Variants in CYB5R4 observed in about 807,000 individuals in gnomAD.
The protein encoded by CYB5R4 is N-terminal cytochrome b5 and cytochrome b5 oxidoreductase domain-containing protein.
A neutral mutation model predicts 70.2 loss-of-function variants in CYB5R4; 55 were observed. That is an observed-to-expected ratio of 0.78 (90% CI 0.63 to 0.98). The LOEUF (loss-of-function observed/expected upper bound fraction) is 0.98. CYB5R4 is among the 50% of genes least tolerant of loss of function. The pLI, the probability that CYB5R4 is intolerant of heterozygous loss-of-function variation, is 0.00. For synonymous variants in CYB5R4, 197 were observed against 199.5 expected, an observed-to-expected ratio of 0.99 and a Z score of 0.11; for missense variants, 562 against 612.6, an observed-to-expected ratio of 0.92 and a Z score of 0.87.
chr6:83,933,982 T>C (rs1275071676), intron 10 of CYB5R4, among the ~76,000 whole-genome samples: 1 of 152,186 alleles, frequency 6.6e-6, no homozygotes, highest in Non-Finnish European at 1.5e-5. Context: ...CACACAAACA[T>C]AGAGACACAA....
chr6:83,942,957 C>T (rs2099469995), intron 14 of CYB5R4, among the ~76,000 whole-genome samples: 1 of 152,156 alleles, frequency 6.6e-6, no homozygotes, highest in Non-Finnish European at 1.5e-5. Flanking sequence ...AGGCAGCAGC[C>T]CCAATCAGAG....
At chr6:83,942,975 G>C (rs1229016951) in intron 14 of CYB5R4, among the ~76,000 whole-genome samples, 1 of 152,158 alleles carries the variant, frequency 6.6e-6, no homozygotes, top group Non-Finnish European at 1.5e-5. Flanking sequence ...GAGGCTTATA[G>C]ATAAAATTCC....
intron 3 of CYB5R4, among the ~76,000 whole-genome samples, chr6:83,907,610 T>C (rs1022967715): frequency 1.3e-4 from 20 of 152,130 alleles, no homozygotes; most frequent in African/African-American, 4.8e-4. Flanking sequence ...CCAATAGTTA[T>C]TTTTTCTGCT....
At chr6:83,883,857 T>G (rs1320478512) in intron 2 of CYB5R4, among the ~76,000 whole-genome samples, 1 of 152,102 alleles carries the variant, frequency 6.6e-6, no homozygotes, top group African/African-American at 2.4e-5. Flanking sequence ...ATGGTTCTTA[T>G]ATTACGTGGG....
In CYB5R4 at chr6:83,967,370, G is replaced by A. The variant is rs1304391072; in HGVS notation, c.*7492G>A. On this transcript the variant is annotated 3_prime_UTR_variant, in exon 16 of 16. Transcript: ENST00000369681. ...TTTTGGCAGTGGTTGTATTAGTATT[G>A]TTATTCTGAAGATGTGAAATAATGC... 6.6e-6 allele frequency: 1 copy of A among 152,196 alleles called. No individual in the cohort carries two copies. 9.4% of individuals were successfully genotyped at this position (152,196 alleles called of 1,614,324 possible).
At chr6:83,895,163 GCTGT>G (rs984544720) in intron 3 of CYB5R4, among the ~76,000 whole-genome samples, 79 of 152,166 alleles carry the variant, frequency 5.2e-4, no homozygotes, top group African/African-American at 1.6e-3. Context: ...CTGCCTGCCT[GCTGT>G]CTGTCTGTGT....
At chr6:83,862,224 TCA>T (rs2099456070) in intron 1 of CYB5R4, among the ~76,000 whole-genome samples, 1 of 152,220 alleles carries the variant, frequency 6.6e-6, no homozygotes, top group African/African-American at 2.4e-5. Context: ...TATTCAGATC[TCA>T]CAGACTTGAG....
At chr6:83,891,529 C>T (rs2099461123) in intron 2 of CYB5R4, among the ~76,000 whole-genome samples, 1 of 152,174 alleles carries the variant, frequency 6.6e-6, no homozygotes, top group South Asian at 2.1e-4. Context: ...AGAAGAAATG[C>T]ACCTGTTCTG....
intron 4 of CYB5R4, among the ~76,000 whole-genome samples, chr6:83,909,785 C>G (rs540767022): frequency 2.0e-5 from 3 of 152,186 alleles, no homozygotes; most frequent in Admixed American, 6.5e-5. Context: ...TTTTGCTCTT[C>G]AGGGGGACAT....
At chr6:83,885,512 G>C (rs1009231944) in intron 2 of CYB5R4, among the ~76,000 whole-genome samples, 7 of 152,158 alleles carry the variant, frequency 4.6e-5, no homozygotes, top group Non-Finnish European at 8.8e-5. Flanking sequence ...AGCCGTTATG[G>C]TTCACATGTA....
intron 10 of CYB5R4, among the ~76,000 whole-genome samples, chr6:83,928,594 TAG>T: frequency 6.6e-6 from 1 of 152,256 alleles, no homozygotes; most frequent in East Asian, 1.9e-4. Flanking sequence ...TTGCTGGGTG[TAG>T]AGAGAGAAAA....
intron 3 of CYB5R4, among the ~76,000 whole-genome samples, chr6:83,894,688 G>A (rs1296041525): frequency 6.6e-6 from 1 of 152,086 alleles, no homozygotes; most frequent in Non-Finnish European, 1.5e-5. Flanking sequence ...ACATATATAT[G>A]TATGTTATAT....
intron 3 of CYB5R4, among the ~76,000 whole-genome samples, chr6:83,900,645 G>A (rs1233873203): frequency 1.3e-5 from 2 of 152,146 alleles, no homozygotes; most frequent in African/African-American, 4.8e-5. Context: ...ATGAATCTGG[G>A]TGCTCCTGTA....
chr6:83,901,601 C>A (rs1260389984), intron 3 of CYB5R4, among the ~76,000 whole-genome samples: 1 of 152,122 alleles, frequency 6.6e-6, no homozygotes, highest in Admixed American at 6.5e-5. Flanking sequence ...GTACACCAAT[C>A]AGACGTAGAT....
chr6:83,863,106 A>G (rs1003420084), intron 1 of CYB5R4, among the ~76,000 whole-genome samples: 1 of 152,226 alleles, frequency 6.6e-6, no homozygotes, highest in Non-Finnish European at 1.5e-5. Flanking sequence ...TGGTCAAAGT[A>G]CTAATAATAC....
At chr6:83,899,962 C>T (rs930858838) in intron 3 of CYB5R4, among the ~76,000 whole-genome samples, 8 of 152,002 alleles carry the variant, frequency 5.3e-5, no homozygotes, top group South Asian at 4.1e-4. Flanking sequence ...ATGTCTCTAT[C>T]TCCTTCAGTT....
intron 2 of CYB5R4, among the ~76,000 whole-genome samples, chr6:83,881,262 A>T (rs2099459400): frequency 6.6e-6 from 1 of 151,100 alleles, no homozygotes; most frequent in Non-Finnish European, 1.5e-5. Context: ...GCAGCCTCAG[A>T]CTCCTGAGCT....
intron 14 of CYB5R4, among the ~76,000 whole-genome samples, chr6:83,944,079 C>T (rs2099470200): frequency 6.6e-6 from 1 of 152,104 alleles, no homozygotes; most frequent in Non-Finnish European, 1.5e-5. Context: ...TCAGGAAATA[C>T]AGAGAACACC....
chr6:83,910,872 C>G (rs969981501), intron 4 of CYB5R4, among the ~76,000 whole-genome samples: 6 of 152,114 alleles, frequency 3.9e-5, no homozygotes. Flanking sequence ...AATTAATACT[C>G]TGGTATTTTT....
Sources: gnomAD v4.1 joint callset for allele counts (sites outside exome capture counted in the v4.1 genomes callset) on GRCh38, gnomAD v4.1.1 for gene constraint, MANE v1.5 for transcripts, NCBI Gene and HGNC (gene_info 2026-07-23, HGNC 2026-07-21) for gene names.